The following LRP11 variants were observed in gnomAD, a reference collection of about 807,000 sequenced individuals.
LRP11 encodes the protein low-density lipoprotein receptor-related protein 11.
Under a neutral mutation model 43.1 loss-of-function variants are expected in LRP11, and 25 were observed. That is an observed-to-expected ratio of 0.58 (90% CI 0.42 to 0.81). The LOEUF is 0.81. LRP11 is among the 30% of genes least tolerant of loss of function. LRP11 has a pLI of 0.00. For synonymous variants in LRP11, 316 were observed against 299.4 expected, an observed-to-expected ratio of 1.06 and a Z score of -0.57; for missense variants, 623 against 665.1, an observed-to-expected ratio of 0.94 and a Z score of 0.70.
At chr6:149,861,073 T>C (rs1322422646) in intron 1 of LRP11, among the ~76,000 whole-genome samples, 4 of 152,200 alleles carry the variant, frequency 2.6e-5, no homozygotes. Flanking sequence ...TTCTTCATGG[T>C]GCTTTCATCC....
chr6:149,863,892 C>T lies in LRP11; in HGVS notation c.129G>A (p.Ala43=). The change falls in exon 1 of 7, where the codon GCG becomes GCA. Residue 43 remains alanine (A), a synonymous_variant. Coordinates refer to ENST00000239367, the MANE Select transcript of LRP11 (RefSeq NM_032832.6). The stretch of plus-strand genomic sequence containing the variant: ...GCTGCGCGTGCAGTTCGGACAGCGG[C>T]GCCGCGGGCGGCAAGGCCGCACGGC... ...PSGRAALPPA[A]PLSELHAQLS... is the part of the protein sequence containing the mutation. 6.7e-7 allele frequency: 1 copy of T among 1,490,074 alleles called. No individual in the cohort carries two copies. Among genetic ancestry groups the T allele is most frequent in the Non-Finnish European group, 8.9e-7 (1 of 1,128,090 alleles). The allele number at this position is 1,490,074 out of a possible 1,614,324, so 92.3% of individuals were successfully genotyped here.
intron 6 of LRP11, among the ~76,000 whole-genome samples, chr6:149,821,076 G>A (rs1332820713): frequency 6.6e-6 from 1 of 151,820 alleles, no homozygotes; most frequent in Non-Finnish European, 1.5e-5. Context: ...GATTACAGGT[G>A]CCTGCCACTG....
In LRP11 at chr6:149,864,271, G is replaced by A. The variant is rs1401095166; in HGVS notation, c.-251C>T. The A allele has an allele frequency of 5.6e-6, 6 of 1,066,132 alleles. No homozygotes were observed. Among genetic ancestry groups the A allele is most frequent in the East Asian group, 7.0e-5 (1 of 14,318 alleles). The allele number at this position is 1,066,132 out of a possible 1,614,324, so 66.0% of individuals were successfully genotyped here. On this transcript the variant is annotated 5_prime_UTR_variant, in exon 1 of 7. Transcript: ENST00000239367. ...TTGCCCTCGCCGGAGACTGCCCAGC[G>A]CCCTGCGCCTCTCCGCCCCGGCCTG...
At chr6:149,850,909 G>A (rs1201859946) in intron 2 of LRP11, among the ~76,000 whole-genome samples, 3 of 152,186 alleles carry the variant, frequency 2.0e-5, no homozygotes, top group South Asian at 2.1e-4. Context: ...ATGGGGATGT[G>A]CCTACAAGTG....
intron 1 of LRP11, among the ~76,000 whole-genome samples, chr6:149,858,574 A>C (rs1429940165): frequency 6.6e-6 from 1 of 152,204 alleles, no homozygotes; most frequent in Non-Finnish European, 1.5e-5. Context: ...AATGCAGCCC[A>C]GTTATTTCTA....
In LRP11 at chr6:149,827,155, C is replaced by T. The variant is rs1027864145; in HGVS notation, c.1253-796G>A. 6.6e-5 allele frequency among the ~76,000 whole-genome samples: 10 copies of T among 151,720 alleles called. No individual in the cohort carries two copies. Among genetic ancestry groups the T allele is most frequent in the South Asian group, 2.1e-4 (1 of 4,800 alleles). ...CTAATTTTTGTATTTTTAGTAGAGA[C>T]GGGGTTTTGCCATGTTCCCCAGATG... On this transcript the variant is annotated intron_variant, in intron 5 of 6. Coordinates refer to ENST00000239367, the MANE Select transcript of LRP11 (RefSeq NM_032832.6). The surrounding 1 kb of genome is among the most constrained non-coding windows in gnomAD (Gnocchi z 4.2).
rs73779579 is a variant in LRP11, at chr6:149,838,953, C to T, written c.914-1490G>A. On this transcript the variant is annotated intron_variant, in intron 3 of 6. Transcript: ENST00000239367. The stretch of plus-strand genomic sequence containing the variant: ...GACAGAGTGGACTAGACAATTCTCT[C>T]AGGAACATGGGGAAGTGGCAGATTA... 7.5e-3 allele frequency among the ~76,000 whole-genome samples: 1,140 copies of T among 152,138 alleles called. 14 individuals are homozygous for T. Among genetic ancestry groups the T allele is most frequent in the African/African-American group, 0.026 (1,090 of 41,502 alleles).
In LRP11 at chr6:149,819,320, G is replaced by A. The variant is rs976620904; in HGVS notation, c.*1229C>T. On this transcript the variant is annotated 3_prime_UTR_variant, in exon 7 of 7. Coordinates refer to ENST00000239367, the MANE Select transcript of LRP11 (RefSeq NM_032832.6). Reference sequence around the variant, plus strand: ...TTTGCCACTTATGGTTAAAAAAAACGTGAATAAGAATATCATGTGAGTGTA... The same window carrying A: ...TTTGCCACTTATGGTTAAAAAAAACATGAATAAGAATATCATGTGAGTGTA... 5.9e-5 allele frequency: 9 copies of A among 152,084 alleles called. No individual in the cohort carries two copies. The highest frequency in any genetic ancestry group is 4.6e-4 in the Admixed American group (7 of 15,256). The allele number at this position is 152,084 out of a possible 1,614,324, so 9.4% of individuals were successfully genotyped here.
intron 2 of LRP11, among the ~76,000 whole-genome samples, chr6:149,851,028 T>C (rs768283907): frequency 3.3e-5 from 5 of 152,292 alleles, no homozygotes; most frequent in Admixed American, 6.5e-5. Flanking sequence ...AGTGTTAACT[T>C]TGGGTGACAT....
chr6:149,848,195 A>G (rs1007157826), intron 2 of LRP11, among the ~76,000 whole-genome samples: 12 of 151,840 alleles, frequency 7.9e-5, no homozygotes, highest in African/African-American at 1.2e-4. Context: ...AAAACAAAAC[A>G]AAACAAAAAA....
intron 1 of LRP11, among the ~76,000 whole-genome samples, chr6:149,862,384 G>C (rs1191510775): frequency 6.6e-6 from 1 of 152,076 alleles, no homozygotes; most frequent in Non-Finnish European, 1.5e-5. Context: ...AACACACGGA[G>C]CCTGACCACA....
At chr6:149,825,542 C>A (rs1776326882) in intron 6 of LRP11, among the ~76,000 whole-genome samples, 1 of 152,156 alleles carries the variant, frequency 6.6e-6, no homozygotes, top group Admixed American at 6.5e-5. Context: ...ATATTCTTCT[C>A]AGCAACCCTA....
At chr6:149,842,155 CTCTT>C (rs938911188) in intron 3 of LRP11, among the ~76,000 whole-genome samples, 33 of 147,220 alleles carry the variant, frequency 2.2e-4, no homozygotes, top group African/African-American at 5.5e-4. Context: ...CACTCTTTTT[CTCTT>C]TCTAAAATTT....
At chr6:149,836,345 C>T (rs768583420) in intron 4 of LRP11, 48 bp from the exon 5 acceptor site, 2 of 1,523,718 alleles carry the variant, frequency 1.3e-6, no homozygotes, top group Non-Finnish European at 9.1e-7. Context: ...CTTTTCTGAG[C>T]TTTAATACTA....
chr6:149,861,688 GTTTA>G (rs1176717480), intron 1 of LRP11, among the ~76,000 whole-genome samples: 1 of 151,984 alleles, frequency 6.6e-6, no homozygotes, highest in African/African-American at 2.4e-5. Context: ...TAATTTTTGT[GTTTA>G]TTTCTTTTTA....
At chr6:149,833,567 G>A (rs1424160048) in intron 5 of LRP11, among the ~76,000 whole-genome samples, 1 of 152,204 alleles carries the variant, frequency 6.6e-6, no homozygotes, top group Non-Finnish European at 1.5e-5. Context: ...ATGAATAGAA[G>A]TAACCAGAAG....
At chr6:149,851,496 T>G (rs59026959) in intron 2 of LRP11, among the ~76,000 whole-genome samples, 7,371 of 150,788 alleles carry the variant, frequency 0.049, 415 homozygotes, top group African/African-American at 0.13. Context: ...ATTGGTGATG[T>G]TCTTTCTTTC....
chr6:149,840,733 C>T (rs973130172), intron 3 of LRP11, among the ~76,000 whole-genome samples: 5 of 152,186 alleles, frequency 3.3e-5, no homozygotes, highest in Non-Finnish European at 1.5e-5. Context: ...CCAGGTGAGT[C>T]CCGGTACCCA....
At chr6:149,857,420 T>C (rs1165328307) in intron 1 of LRP11, among the ~76,000 whole-genome samples, 3 of 151,040 alleles carry the variant, frequency 2.0e-5, no homozygotes, top group Non-Finnish European at 4.4e-5. Context: ...CCCAGTTACT[T>C]GGGGGGCTGA....
Sources: gnomAD v4.1 joint callset for allele counts (sites outside exome capture counted in the v4.1 genomes callset) on GRCh38, gnomAD v4.1.1 for gene constraint, Gnocchi (gnomAD v3.1) non-coding constraint, MANE v1.5 for transcripts, NCBI Gene and HGNC (gene_info 2026-07-23, HGNC 2026-07-21) for gene names.